Variants in PDE4D observed in about 807,000 individuals in gnomAD.
PDE4D encodes the protein phosphodiesterase 4D, also known as 3',5'-cyclic-AMP phosphodiesterase 4D.
PDE4D carries 24 observed loss-of-function variants against 87.4 expected under a neutral mutation model. That is an observed-to-expected ratio of 0.27 (90% CI 0.20 to 0.39). The LOEUF is 0.39. Ranked by LOEUF, PDE4D falls within the 10% of genes least tolerant of loss-of-function variation. The pLI, the probability that PDE4D is intolerant of heterozygous loss-of-function variation, is 1.00. For missense variants in PDE4D, 714 were observed against 1,041.0 expected, an observed-to-expected ratio of 0.69 and a Z score of 4.32; for synonymous variants, 384 against 383.2, an observed-to-expected ratio of 1.00 and a Z score of -0.02.
intron 1 of PDE4D, among the ~76,000 whole-genome samples, chr5:59,667,765 C>T (rs78235729): frequency 0.013 from 2,048 of 152,274 alleles, 50 homozygotes; most frequent in African/African-American, 0.047. Flanking sequence ...CACATTACCC[C>T]TTGCTGAGTC....
intron 5 of PDE4D, among the ~76,000 whole-genome samples, chr5:59,098,697 C>CAA (rs3061415): frequency 0.55 from 36,407 of 66,768 alleles, 9,101 homozygotes; most frequent in East Asian, 0.72. Context: ...GAGAAAGACT[C>CAA]AAAAAAAAAA....
chr5:59,303,649 CT>C (rs2153561511), intron 1 of PDE4D, among the ~76,000 whole-genome samples: 2 of 152,196 alleles, frequency 1.3e-5, no homozygotes, highest in East Asian at 3.9e-4. Flanking sequence ...AAAGGTTATC[CT>C]TTTCCCCACT....
At chr5:59,545,837 T>C (rs1349843454) in intron 1 of PDE4D, among the ~76,000 whole-genome samples, 1 of 152,018 alleles carries the variant, frequency 6.6e-6, no homozygotes, top group Non-Finnish European at 1.5e-5. Context: ...GAAAAAAAAA[T>C]TGTTGACGAA....
chr5:60,216,590 C>T (rs1264483113), intron 1 of PDE4D, among the ~76,000 whole-genome samples: 2 of 151,886 alleles, frequency 1.3e-5, no homozygotes, highest in East Asian at 1.9e-4. Context: ...AAAAATAAAA[C>T]GATGAAACAA....
chr5:59,441,215 C>G (rs892925481), intron 1 of PDE4D, among the ~76,000 whole-genome samples: 1 of 152,036 alleles, frequency 6.6e-6, no homozygotes, highest in Non-Finnish European at 1.5e-5. Flanking sequence ...CCAGCTCAGC[C>G]TCCTGAGTAG....
At chr5:59,093,818 A>C (rs2153429870) in intron 5 of PDE4D, among the ~76,000 whole-genome samples, 1 of 152,346 alleles carries the variant, frequency 6.6e-6, no homozygotes, top group African/African-American at 2.4e-5. Flanking sequence ...CATCAACTGA[A>C]GAAAGAAATC....
chr5:59,850,789 A>C (rs1744559925), intron 1 of PDE4D, among the ~76,000 whole-genome samples: 1 of 152,098 alleles, frequency 6.6e-6, no homozygotes, highest in Admixed American at 6.6e-5. Flanking sequence ...GGACTTATAA[A>C]GCTACCGCAG....
chr5:59,827,651 CAG>C (rs901834895), intron 1 of PDE4D, among the ~76,000 whole-genome samples: 1 of 152,014 alleles, frequency 6.6e-6, no homozygotes, highest in African/African-American at 2.4e-5. Context: ...AGACCAGGGA[CAG>C]AAGAATCAGT....
At chr5:59,643,312 G>A (rs1741914691) in intron 1 of PDE4D, among the ~76,000 whole-genome samples, 1 of 152,146 alleles carries the variant, frequency 6.6e-6, no homozygotes. Flanking sequence ...GAAAAGAGAG[G>A]AGACAGTGGC....
At chr5:59,149,471 T>C (rs1402418823) in intron 5 of PDE4D, among the ~76,000 whole-genome samples, 2 of 152,076 alleles carry the variant, frequency 1.3e-5, no homozygotes, top group African/African-American at 2.4e-5. Flanking sequence ...TCAAACACTA[T>C]TAAAAATACC....
chr5:60,123,750 T>A (rs182125711), intron 2 of PDE4D, among the ~76,000 whole-genome samples: 2 of 152,270 alleles, frequency 1.3e-5, no homozygotes, highest in Non-Finnish European at 2.9e-5. Flanking sequence ...TAAATATACC[T>A]AATGACAGGA....
chr5:59,623,360 A>C (rs2150119120), intron 1 of PDE4D, among the ~76,000 whole-genome samples: 1 of 152,240 alleles, frequency 6.6e-6, no homozygotes, highest in Non-Finnish European at 1.5e-5. Flanking sequence ...TTTCTTCCTA[A>C]GCTAGCTTGC....
rs141881917 is a variant in PDE4D, at chr5:59,668,736, AAAG to A, written c.455+224429_455+224431del. Among the ~76,000 whole-genome samples the A allele has an allele frequency of 2.6e-4, 25 of 94,560 alleles. 1 individual carries two copies. Among genetic ancestry groups the A allele is most frequent in the Non-Finnish European group, 4.2e-4 (17 of 40,258 alleles). The allele number at this position is 94,560 out of a possible 152,430, so 62.0% of individuals were successfully genotyped here. A position where few individuals can be genotyped will look rare whatever the true frequency, so the allele number is the denominator to read the frequency against. On this transcript the variant is annotated intron_variant, in intron 1 of 14. Transcript: ENST00000340635. ...CAAGAAAAAAAAGAAGAAGAAGAAG[AAAG>A]AAGAAGAAGAAGAAGAAAGAAGAAA...
chr5:60,137,812 CT>C (rs1181850799), intron 2 of PDE4D, among the ~76,000 whole-genome samples: 7 of 151,686 alleles, frequency 4.6e-5, no homozygotes, highest in East Asian at 1.9e-4. Context: ...TCAATTTTTG[CT>C]TTTTTTTGCA....
intron 1 of PDE4D, among the ~76,000 whole-genome samples, chr5:59,319,941 C>G (rs1008359583): frequency 6.6e-5 from 10 of 152,094 alleles, no homozygotes; most frequent in Non-Finnish European, 1.3e-4. Flanking sequence ...AAGACAAACA[C>G]CGAAAAGTGA....
chr5:59,019,028 A>C (rs1485386064), intron 6 of PDE4D, among the ~76,000 whole-genome samples: 1 of 151,708 alleles, frequency 6.6e-6, no homozygotes, highest in Non-Finnish European at 1.5e-5. Context: ...GCCTTACCTA[A>C]ATTATATGTC....
At chr5:59,376,914 A>C (rs1359237950) in intron 1 of PDE4D, among the ~76,000 whole-genome samples, 1 of 152,130 alleles carries the variant, frequency 6.6e-6, no homozygotes, top group Non-Finnish European at 1.5e-5. Flanking sequence ...TGACAAACCT[A>C]ACAAAAACAA....
intron 1 of PDE4D, among the ~76,000 whole-genome samples, chr5:60,296,870 T>C (rs1241656361): frequency 6.6e-6 from 1 of 151,980 alleles, no homozygotes; most frequent in African/African-American, 2.4e-5. Flanking sequence ...ATGTTCTCAC[T>C]CATAAGTGGG....
intron 6 of PDE4D, among the ~76,000 whole-genome samples, chr5:59,021,690 TG>T (rs1263460939): frequency 6.6e-6 from 1 of 152,090 alleles, no homozygotes; most frequent in Non-Finnish European, 1.5e-5. Flanking sequence ...TATCCAAGGT[TG>T]CAACTCTACT....
Sources: gnomAD v4.1 joint callset for allele counts (sites outside exome capture counted in the v4.1 genomes callset) on GRCh38, gnomAD v4.1.1 for gene constraint, MANE v1.5 for transcripts, NCBI Gene and HGNC (gene_info 2026-07-23, HGNC 2026-07-21) for gene names.